Variants in CDIN1 observed in about 807,000 individuals in gnomAD.
CDIN1 encodes the protein CDAN1-interacting nuclease 1.
Under a neutral mutation model 45.3 loss-of-function variants are expected in CDIN1, and 33 were observed. That is an observed-to-expected ratio of 0.73 (90% CI 0.55 to 0.97). The LOEUF (loss-of-function observed/expected upper bound fraction) is 0.97. Ranked by LOEUF, CDIN1 falls within the 50% of genes least tolerant of loss-of-function variation. The probability of loss-of-function intolerance (pLI) is 0.00; values close to 1 mark genes in which losing one functional copy is unlikely to be tolerated. For synonymous variants in CDIN1, 118 were observed against 124.4 expected (o/e 0.95, Z 0.34); for missense variants, 303 against 339.4 (o/e 0.89, Z 0.84).
chr15:36,677,155 G>C (rs2140581854), intron 5 of CDIN1, among the ~76,000 whole-genome samples: 1 of 152,160 alleles, frequency 6.6e-6, no homozygotes, highest in Non-Finnish European at 1.5e-5. Flanking sequence ...CTTTGGAGTG[G>C]TAACAAATAA....
At chr15:36,707,303 AAGAG>A (rs1461916432) in intron 8 of CDIN1, 1 of 152,020 alleles carries the variant, frequency 6.6e-6, no homozygotes, top group Non-Finnish European at 1.5e-5. Flanking sequence ...GGGAGGGAGA[AAGAG>A]AGACAGGGGT....
intron 8 of CDIN1, chr15:36,702,116 T>G (rs2042667313): frequency 1.4e-6 from 1 of 701,992 alleles, no homozygotes; most frequent in East Asian, 2.7e-5. Flanking sequence ...AAATGGAACA[T>G]ACGATTATGT....
At chr15:36,734,289 A>G in intron 10 of CDIN1, 1 of 308,996 alleles carries the variant, frequency 3.2e-6, no homozygotes, top group South Asian at 3.0e-5. Flanking sequence ...GTTTTAATTA[A>G]CATGTTCATG....
chr15:36,769,567 T>A (rs76419156), intron 10 of CDIN1, among the ~76,000 whole-genome samples: 9,024 of 152,282 alleles, frequency 0.059, 314 homozygotes, highest in South Asian at 0.12. Flanking sequence ...CACAGCAACA[T>A]CTGGATTAGC....
intron 10 of CDIN1, among the ~76,000 whole-genome samples, chr15:36,711,318 C>G (rs1595505078): frequency 6.6e-6 from 1 of 152,210 alleles, no homozygotes; most frequent in South Asian, 2.1e-4. Context: ...GCTTTGGTAC[C>G]AGTCATATCT....
At chr15:36,729,055 G>A (rs919846379) in intron 10 of CDIN1, among the ~76,000 whole-genome samples, 2 of 152,130 alleles carry the variant, frequency 1.3e-5, no homozygotes, top group African/African-American at 4.8e-5. Context: ...AACAAAAATG[G>A]CAAAAATGTC....
In CDIN1 at chr15:36,782,747, G is replaced by A. The variant is rs530788876; in HGVS notation, c.717-25577G>A. Among the ~76,000 whole-genome samples, 3 of 152,248 alleles carry A rather than the reference G, an allele frequency of 2.0e-5. No homozygotes were observed. In the South Asian group the frequency reaches 6.2e-4, roughly 32 times the overall value. On this transcript the variant is annotated intron_variant, in intron 10 of 10. Transcript: ENST00000566621. ...TATAGAAATATTTTAGTCAGATGAC[G>A]TTTCATCATCAGATAACACTAAACA...
intron 10 of CDIN1, among the ~76,000 whole-genome samples, chr15:36,787,065 C>T (rs1566972914): frequency 1.3e-5 from 2 of 152,140 alleles, no homozygotes; most frequent in Non-Finnish European, 2.9e-5. Context: ...TACCTGTCTT[C>T]GCATCATTTC....
At chr15:36,662,209 T>C (rs2041043229) in intron 5 of CDIN1, among the ~76,000 whole-genome samples, 1 of 152,210 alleles carries the variant, frequency 6.6e-6, no homozygotes, top group Non-Finnish European at 1.5e-5. Context: ...GTCACATCAT[T>C]TGAAACTGAG....
intron 8 of CDIN1, among the ~76,000 whole-genome samples, chr15:36,699,597 C>A (rs1234952569): frequency 6.6e-6 from 1 of 152,128 alleles, no homozygotes; most frequent in Admixed American, 6.6e-5. Flanking sequence ...AATATATTAA[C>A]CCTTCTTAAT....
At chr15:36,642,601 A>C (rs527388272) in intron 1 of CDIN1, among the ~76,000 whole-genome samples, 22 of 152,330 alleles carry the variant, frequency 1.4e-4, no homozygotes, top group African/African-American at 5.1e-4. Flanking sequence ...TGGCTTATAC[A>C]GTACTCTCAA....
At chr15:36,627,440 A>G (rs1222278276) in intron 1 of CDIN1, 1 of 158,360 alleles carries the variant, frequency 6.3e-6, no homozygotes, top group Non-Finnish European at 1.4e-5. Flanking sequence ...GGCAATGTCC[A>G]GCACCTCGTC....
chr15:36,646,729 A>G (rs1325827267), intron 3 of CDIN1, among the ~76,000 whole-genome samples: 2 of 152,192 alleles, frequency 1.3e-5, no homozygotes, highest in Admixed American at 6.5e-5. Flanking sequence ...GTATGATTTT[A>G]TGTCTGGATT....
At chr15:36,796,737 A>T (rs1270991050) in intron 10 of CDIN1, among the ~76,000 whole-genome samples, 1 of 152,184 alleles carries the variant, frequency 6.6e-6, no homozygotes. Context: ...TTAACTCCCT[A>T]AACAGAGCAT....
chr15:36,597,790 C>G (rs2037907740), intron 1 of CDIN1, among the ~76,000 whole-genome samples: 1 of 152,106 alleles, frequency 6.6e-6, no homozygotes, highest in African/African-American at 2.4e-5. Flanking sequence ...ATCTCATTGA[C>G]TGTCAGTTCT....
At chr15:36,770,021 T>A (rs528431782) in intron 10 of CDIN1, among the ~76,000 whole-genome samples, 1 of 152,126 alleles carries the variant, frequency 6.6e-6, no homozygotes, top group African/African-American at 2.4e-5. Context: ...CCATCTCTTT[T>A]CCCTTGATTA....
chr15:36,722,983 G>T (rs1042894393), intron 10 of CDIN1, among the ~76,000 whole-genome samples: 2 of 68,850 alleles, frequency 2.9e-5, no homozygotes, highest in African/African-American at 1.0e-4. Flanking sequence ...GTGTGTGTGT[G>T]TGTTTCTCTC....
At chr15:36,652,863 G>A (rs2040627839) in intron 3 of CDIN1, among the ~76,000 whole-genome samples, 1 of 152,090 alleles carries the variant, frequency 6.6e-6, no homozygotes, top group Admixed American at 6.6e-5. Flanking sequence ...CTCACCTGTT[G>A]ACTTTATTAC....
intron 10 of CDIN1, among the ~76,000 whole-genome samples, chr15:36,788,086 ATATATATATATATATATATATTTT>A (rs1256708040): frequency 5.4e-5 from 2 of 37,306 alleles, no homozygotes; most frequent in African/African-American, 2.4e-4. Flanking sequence ...ATATATATAT[ATATATATATATATATATATATTTT>A]TTTTTTTTTT....
Sources: allele counts gnomAD v4.1 joint callset (sites outside exome capture counted in the v4.1 genomes callset), GRCh38; gene constraint gnomAD v4.1.1; transcripts MANE v1.5; gene names NCBI Gene and HGNC (gene_info 2026-07-23, HGNC 2026-07-21).